ARHGAP22: variants seen among roughly 807,000 people sequenced by gnomAD.
The protein encoded by ARHGAP22 is Rho GTPase activating protein 22.
Under a neutral mutation model 59.1 loss-of-function variants are expected in ARHGAP22, and 48 were observed. The ratio of observed to expected loss-of-function variants is 0.81; its 90% CI spans 0.64 to 1.03. The LOEUF (loss-of-function observed/expected upper bound fraction) is 1.03, where lower values mean the gene tolerates loss of function less well. ARHGAP22 is among the 50% of genes least tolerant of loss of function. ARHGAP22 has a pLI of 0.00. For synonymous variants in ARHGAP22, 445 were observed against 416.4 expected (o/e 1.07, Z -0.84); for missense variants, 1,015 against 958.7 (o/e 1.06, Z -0.78).
intron 1 of ARHGAP22, among the ~76,000 whole-genome samples, chr10:48,650,870 G>C (rs866994801): frequency 6.6e-6 from 1 of 152,196 alleles, no homozygotes; most frequent in Admixed American, 6.5e-5. Context: ...TTCTCCTGTG[G>C]AAAGTGAGAT....
In ARHGAP22 at chr10:48,450,225, C is replaced by G. The variant is rs776774942; in HGVS notation, c.1868+36G>C. On this transcript the variant is annotated intron_variant, in intron 9 of 9. Transcript: ENST00000249601. ...AGCACGGCTCTCCCTGCAGGCTCCG[C>G]CCCGTCACAGGAGGCTCCACGGGGC... The G allele has an allele frequency of 2.5e-6, 4 of 1,597,730 alleles. No homozygotes were observed. The South Asian group carries it at 3.4e-5, about 14-fold the overall frequency.
chr10:48,654,829 C>T (rs200055406), upstream of ARHGAP22, among the ~76,000 whole-genome samples: 48 of 102,572 alleles, frequency 4.7e-4, 1 homozygote, highest in East Asian at 2.8e-3. Context: ...TTTCTTTCTT[C>T]CTTCCTTCCT....
At position 48,459,831 on chromosome 10, in the gene ARHGAP22, AGGCGG is replaced by A. The variant is rs775344815; in HGVS notation, c.507_511del (p.Arg170GlyfsTer19). 6.2e-7 allele frequency: 1 copy of A among 1,613,424 alleles called. No homozygotes were observed. Among genetic ancestry groups the A allele is most frequent in the East Asian group, 2.2e-5 (1 of 44,894 alleles). ...ACACTGCTCCACCAGCAGGGGCGCC[AGGCGG>A]GGGCCATACTTCCGCTCGTGGTGGA... On this transcript the variant is annotated frameshift_variant, in exon 5 of 10. Transcript: ENST00000249601. LOFTEE classifies it high-confidence loss of function.
At chr10:48,504,374 C>A (rs1166708782) in intron 3 of ARHGAP22, among the ~76,000 whole-genome samples, 3 of 152,142 alleles carry the variant, frequency 2.0e-5, no homozygotes, top group Admixed American at 2.0e-4. Flanking sequence ...TATGGGGTGG[C>A]CTGGATGGGG....
At chr10:48,471,836 A>G (rs908917276) in intron 4 of ARHGAP22, among the ~76,000 whole-genome samples, 2 of 152,234 alleles carry the variant, frequency 1.3e-5, no homozygotes, top group African/African-American at 4.8e-5. Flanking sequence ...CAGCAGGCAG[A>G]GTGGTCCTCT....
At chr10:48,652,185 C>T in intron 1 of ARHGAP22, 4 of 1,504,720 alleles carry the variant, frequency 2.7e-6, no homozygotes, top group Non-Finnish European at 3.6e-6. Flanking sequence ...AGCAAGAAGT[C>T]AAATGCAAAG....
intron 1 of ARHGAP22, among the ~76,000 whole-genome samples, chr10:48,644,089 G>A (rs1190745810): frequency 6.6e-6 from 1 of 152,224 alleles, no homozygotes; most frequent in African/African-American, 2.4e-5. Context: ...AGAGGTTGCG[G>A]TGAGCCGAGA....
intron 1 of ARHGAP22, among the ~76,000 whole-genome samples, chr10:48,640,523 A>G (rs368441590): frequency 5.3e-5 from 8 of 152,240 alleles, no homozygotes; most frequent in African/African-American, 1.9e-4. Context: ...TGCAATTAAC[A>G]GTTGCCTTGT....
chr10:48,541,179 G>A (rs2055893594), intron 3 of ARHGAP22, among the ~76,000 whole-genome samples: 1 of 152,098 alleles, frequency 6.6e-6, no homozygotes, highest in African/African-American at 2.4e-5. Flanking sequence ...GGGTTCCTGA[G>A]CTGACAGTTG....
chr10:48,438,168 T>A, the ARHGAP22 span: 1 of 152,234 alleles, frequency 6.6e-6, no homozygotes, highest in Admixed American at 6.5e-5. Flanking sequence ...ATAGAGTGGA[T>A]GCATGAAGCC....
At chr10:48,444,784 A>T (rs1409975690), downstream of ARHGAP22, 1 of 152,214 alleles carries the variant, frequency 6.6e-6, no homozygotes, top group Admixed American at 6.5e-5. Context: ...CTGAATATGG[A>T]TAATAGGGCC....
intron 3 of ARHGAP22, among the ~76,000 whole-genome samples, chr10:48,496,860 T>A (rs996942572): frequency 1.3e-5 from 2 of 151,996 alleles, no homozygotes; most frequent in Non-Finnish European, 2.9e-5. Context: ...CTCTGGAGAT[T>A]GGGGGGTAGG....
chr10:48,458,508 C>T lies in ARHGAP22; in HGVS notation c.659+1176G>A, dbSNP rs192574705. Among the ~76,000 whole-genome samples the T allele has an allele frequency of 2.5e-3, 380 of 152,246 alleles. 1 individual carries two copies. Among genetic ancestry groups the T allele is most frequent in the African/African-American group, 8.7e-3 (363 of 41,530 alleles). Reference sequence around the variant, plus strand: ...TGAGGCGCAGACGGCCTGTGCCACTCCAGGGAGCCCCAGCAGAGTTTGAGT... The same window carrying T: ...TGAGGCGCAGACGGCCTGTGCCACTTCAGGGAGCCCCAGCAGAGTTTGAGT... On this transcript the variant is annotated intron_variant, in intron 5 of 9. Transcript: ENST00000249601.
intron 3 of ARHGAP22, among the ~76,000 whole-genome samples, chr10:48,507,377 A>G (rs1383044004): frequency 1.3e-5 from 2 of 152,228 alleles, no homozygotes; most frequent in Non-Finnish European, 2.9e-5. Flanking sequence ...AGTGCAGTTC[A>G]CTGCTTTATG....
intron 3 of ARHGAP22, among the ~76,000 whole-genome samples, chr10:48,518,405 T>G (rs1216538630): frequency 6.6e-6 from 1 of 152,200 alleles, no homozygotes; most frequent in African/African-American, 2.4e-5. Context: ...ATGACACATG[T>G]ATATTTACAC....
chr10:48,561,405 A>G (rs1204838633), intron 2 of ARHGAP22, among the ~76,000 whole-genome samples: 1 of 152,242 alleles, frequency 6.6e-6, no homozygotes, highest in East Asian at 1.9e-4. Flanking sequence ...TAAAACTTCT[A>G]GTAGAAAACC....
At chr10:48,499,414 C>CA (rs1350326898) in intron 3 of ARHGAP22, among the ~76,000 whole-genome samples, 5 of 152,208 alleles carry the variant, frequency 3.3e-5, no homozygotes, top group African/African-American at 1.2e-4. Flanking sequence ...AGACACTTGA[C>CA]AAAACTGAAC....
intron 2 of ARHGAP22, among the ~76,000 whole-genome samples, chr10:48,568,444 G>T (rs1164105229): frequency 6.6e-6 from 1 of 152,198 alleles, no homozygotes; most frequent in Non-Finnish European, 1.5e-5. Context: ...CATGTAGAGG[G>T]GCTAAGGGGG....
intron 2 of ARHGAP22, among the ~76,000 whole-genome samples, chr10:48,560,847 C>T (rs2057641026): frequency 6.6e-6 from 1 of 151,856 alleles, no homozygotes; most frequent in Non-Finnish European, 1.5e-5. Context: ...TGGGATAAAC[C>T]CCACTTTGTC....
Sources: gnomAD v4.1 joint callset for allele counts (sites outside exome capture counted in the v4.1 genomes callset) on GRCh38, gnomAD v4.1.1 for gene constraint, MANE v1.5 for transcripts, NCBI Gene and HGNC (gene_info 2026-07-23, HGNC 2026-07-21) for gene names.